The following OPCML variants were observed in gnomAD, a reference collection of about 807,000 sequenced individuals.
OPCML encodes the protein opioid-binding protein/cell adhesion molecule.
In OPCML, 13 loss-of-function variants were observed where a neutral mutation model predicts 37.8. The observed-to-expected ratio is 0.34, with a 90% CI of 0.22 to 0.55. OPCML has a LOEUF of 0.55. Among genes scored for constraint, OPCML ranks in the 20% least tolerant of loss-of-function variants. OPCML has a pLI of 0.91. For missense variants in OPCML, 341 were observed against 435.6 expected, an observed-to-expected ratio of 0.78 and a Z score of 1.93; for synonymous variants, 176 against 168.8, an observed-to-expected ratio of 1.04 and a Z score of -0.33.
At chr11:132,445,909 T>C (rs887103215) in intron 4 of OPCML, among the ~76,000 whole-genome samples, 4 of 152,042 alleles carry the variant, frequency 2.6e-5, no homozygotes, top group Non-Finnish European at 5.9e-5. Flanking sequence ...AAATATACCA[T>C]CATGATGTCA....
chr11:133,055,228 C>CTGTA lies in OPCML; in HGVS notation c.62-112219_62-112218insTACA, dbSNP rs1565421919. Among the ~76,000 whole-genome samples the CTGTA allele has an allele frequency of 3.4e-4, 49 of 144,334 alleles. 7 individuals are homozygous for CTGTA. Among genetic ancestry groups the CTGTA allele is most frequent in the African/African-American group, 5.7e-4 (22 of 38,566 alleles). 94.7% of individuals were successfully genotyped at this position (144,334 alleles called of 152,430 possible). On this transcript the variant is annotated intron_variant, in intron 1 of 7. Coordinates refer to ENST00000524381, the MANE Select transcript of OPCML (RefSeq NM_001012393.5). ...AGACTCCATGAGGGAGCCACCTCTACCATATAATGCTGCCTCCATGATACT... is the reference window on the plus strand; with the variant it reads ...AGACTCCATGAGGGAGCCACCTCTACTGTACATATAATGCTGCCTCCATGATACT...
intron 1 of OPCML, among the ~76,000 whole-genome samples, chr11:132,991,197 A>C (rs1591886672): frequency 6.6e-6 from 1 of 152,174 alleles, no homozygotes; most frequent in African/African-American, 2.4e-5. Context: ...TAGAACCACA[A>C]ACTAGAAAAT....
intron 3 of OPCML, among the ~76,000 whole-genome samples, chr11:132,554,478 A>C (rs191567333): frequency 6.6e-6 from 1 of 152,314 alleles, no homozygotes; most frequent in Admixed American, 6.5e-5. Flanking sequence ...CTAGCTGCTG[A>C]GCATCAGGGA....
chr11:132,505,222 G>A (rs1055135570), intron 4 of OPCML, among the ~76,000 whole-genome samples: 2 of 151,810 alleles, frequency 1.3e-5, no homozygotes, highest in Admixed American at 6.6e-5. Context: ...CACCAATTTC[G>A]AGAATGAGTA....
intron 4 of OPCML, among the ~76,000 whole-genome samples, chr11:132,456,860 G>A (rs1005418687): frequency 6.6e-6 from 1 of 152,164 alleles, no homozygotes; most frequent in East Asian, 1.9e-4. Context: ...CTGATTAAAC[G>A]AAAGCTTATT....
At chr11:132,967,650 T>C (rs1006656200) in intron 1 of OPCML, among the ~76,000 whole-genome samples, 1 of 152,192 alleles carries the variant, frequency 6.6e-6, no homozygotes, top group African/African-American at 2.4e-5. Context: ...TTTCTACAAT[T>C]GTTTTCTTAA....
intron 1 of OPCML, among the ~76,000 whole-genome samples, chr11:133,338,029 C>T (rs1943781922): frequency 6.6e-6 from 1 of 152,016 alleles, no homozygotes; most frequent in African/African-American, 2.4e-5. Flanking sequence ...AACCCTGTGG[C>T]TCACAAAGCC....
intron 1 of OPCML, among the ~76,000 whole-genome samples, chr11:133,399,272 G>C (rs181535795): frequency 6.6e-6 from 1 of 152,248 alleles, no homozygotes; most frequent in South Asian, 2.1e-4. Context: ...TTGATGACGC[G>C]TGGTGGCTTT....
intron 1 of OPCML, among the ~76,000 whole-genome samples, chr11:133,252,645 G>T (rs1337299493): frequency 3.3e-5 from 5 of 152,106 alleles, no homozygotes; most frequent in African/African-American, 1.2e-4. Context: ...ATTGGGCTTT[G>T]CTCCATAAAA....
At chr11:132,615,032 T>C (rs1357041378) in intron 3 of OPCML, among the ~76,000 whole-genome samples, 1 of 152,246 alleles carries the variant, frequency 6.6e-6, no homozygotes, top group African/African-American at 2.4e-5. Flanking sequence ...ACATGTATTT[T>C]ATTCTACCTA....
intron 4 of OPCML, among the ~76,000 whole-genome samples, chr11:132,493,616 T>A (rs1450775179): frequency 6.6e-6 from 1 of 152,198 alleles, no homozygotes; most frequent in East Asian, 1.9e-4. Flanking sequence ...CCCATTTCTT[T>A]GTTCAAAAAT....
intron 2 of OPCML, among the ~76,000 whole-genome samples, chr11:132,687,098 G>A (rs1398429372): frequency 2.6e-5 from 4 of 151,908 alleles, no homozygotes; most frequent in Non-Finnish European, 5.9e-5. Flanking sequence ...ATAAATGTAG[G>A]CACTTGACAA....
chr11:133,427,038 C>T (rs909793011), intron 1 of OPCML, among the ~76,000 whole-genome samples: 31 of 152,094 alleles, frequency 2.0e-4, no homozygotes, highest in Admixed American at 7.2e-4. Context: ...AGTACTATTA[C>T]GGGAGACTTT....
chr11:132,595,294 G>A, intron 3 of OPCML, among the ~76,000 whole-genome samples: 1 of 152,192 alleles, frequency 6.6e-6, no homozygotes, highest in Non-Finnish European at 1.5e-5. Context: ...AGCACGTTGT[G>A]CAAGTAATAA....
At chr11:133,069,131 T>A (rs1453417769) in intron 1 of OPCML, among the ~76,000 whole-genome samples, 7 of 152,168 alleles carry the variant, frequency 4.6e-5, no homozygotes. Flanking sequence ...ACTTGCTATG[T>A]GGAATAAGTG....
chr11:132,499,446 T>A (rs934767382), intron 4 of OPCML, among the ~76,000 whole-genome samples: 4 of 152,086 alleles, frequency 2.6e-5, no homozygotes, highest in Non-Finnish European at 4.4e-5. Flanking sequence ...TGGCACAATA[T>A]GAGATATCCA....
chr11:132,520,313 A>T (rs2096289671), intron 4 of OPCML, among the ~76,000 whole-genome samples: 1 of 152,178 alleles, frequency 6.6e-6, no homozygotes, highest in Non-Finnish European at 1.5e-5. Context: ...GGTTCTTTTC[A>T]TAAAGCTACC....
intron 1 of OPCML, among the ~76,000 whole-genome samples, chr11:133,370,567 G>A (rs1697108002): frequency 6.7e-6 from 1 of 150,120 alleles, no homozygotes; most frequent in Admixed American, 6.6e-5. Context: ...GCAAAACATT[G>A]CTGAAAAAAA....
In OPCML at chr11:132,481,485, C is replaced by A. The variant is rs1051942444; in HGVS notation, c.506-44126G>T. ...ATTAATAATGGGAGACTTTAACACC[C>A]CACTGTCAACATTAGACAGATGAAC... On this transcript the variant is annotated intron_variant, in intron 4 of 7. Transcript: ENST00000524381. Among the ~76,000 whole-genome samples the A allele has an allele frequency of 3.4e-3, 505 of 149,906 alleles. 4 individuals carry two copies. Among genetic ancestry groups the A allele is most frequent in the Middle Eastern group, 0.014 (4 of 294 alleles).
Sources: gnomAD v4.1 joint callset for allele counts (sites outside exome capture counted in the v4.1 genomes callset) on GRCh38, gnomAD v4.1.1 for gene constraint, MANE v1.5 for transcripts, NCBI Gene and HGNC (gene_info 2026-07-23, HGNC 2026-07-21) for gene names.